Variants in LARP4B observed in about 807,000 individuals in gnomAD.
LARP4B encodes la-related protein 4B.
LARP4B carries 12 observed loss-of-function variants against 89.8 expected under a neutral mutation model. The observed-to-expected ratio is 0.13, with a 90% confidence interval of 0.09 to 0.22. LARP4B has a LOEUF of 0.22. Among genes scored for constraint, LARP4B ranks in the 10% least tolerant of loss-of-function variants. LARP4B has a pLI of 1.00. For missense variants in LARP4B, 757 were observed against 947.7 expected, an observed-to-expected ratio of 0.80 and a Z score of 2.64; for synonymous variants, 367 against 363.3, an observed-to-expected ratio of 1.01 and a Z score of -0.12.
At chr10:962,411 A>C in the LARP4B span, among the ~76,000 whole-genome samples, 1 of 151,996 alleles carries the variant, frequency 6.6e-6, no homozygotes, top group Non-Finnish European at 1.5e-5. Flanking sequence ...ATGCAGTCAC[A>C]TGGGGGGTTA....
At chr10:951,964 G>C in the LARP4B span, among the ~76,000 whole-genome samples, 2 of 149,892 alleles carry the variant, frequency 1.3e-5, no homozygotes, top group Non-Finnish European at 3.0e-5. Context: ...CAGCAGCCCA[G>C]AACCAACTGC....
chr10:912,579 T>A (rs1478330154), intron 1 of LARP4B, among the ~76,000 whole-genome samples: 1 of 152,000 alleles, frequency 6.6e-6, no homozygotes, highest in African/African-American at 2.4e-5. Flanking sequence ...CTCCAATATA[T>A]GACGTTCTAT....
intron 8 of LARP4B, among the ~76,000 whole-genome samples, chr10:831,946 A>C (rs1312784239): frequency 6.6e-6 from 1 of 152,254 alleles, no homozygotes; most frequent in Non-Finnish European, 1.5e-5. Context: ...GACTTAATAC[A>C]CATAACACAT....
intron 1 of LARP4B, among the ~76,000 whole-genome samples, chr10:928,242 A>C (rs1033781964): frequency 4.6e-5 from 7 of 152,056 alleles, no homozygotes; most frequent in Non-Finnish European, 1.0e-4. Flanking sequence ...AAAAAAAAAA[A>C]AACTTGTACC....
chr10:941,516 C>G, the LARP4B span, among the ~76,000 whole-genome samples: 3 of 151,798 alleles, frequency 2.0e-5, no homozygotes, highest in Non-Finnish European at 4.4e-5. Context: ...CGGGGGGTGT[C>G]TCACCATGTT....
chr10:876,764 A>G (rs1339739147), intron 3 of LARP4B, among the ~76,000 whole-genome samples: 1 of 151,868 alleles, frequency 6.6e-6, no homozygotes, highest in Non-Finnish European at 1.5e-5. Flanking sequence ...AGCAGGTTCA[A>G]CTCCAAATTT....
intron 7 of LARP4B, among the ~76,000 whole-genome samples, chr10:838,469 A>G (rs1266141696): frequency 6.6e-6 from 1 of 152,208 alleles, no homozygotes; most frequent in African/African-American, 2.4e-5. Flanking sequence ...CTGGACAGAC[A>G]CTTCACAAAA....
At chr10:873,831 C>T (rs1588950875) in intron 3 of LARP4B, among the ~76,000 whole-genome samples, 1 of 152,166 alleles carries the variant, frequency 6.6e-6, no homozygotes, top group Non-Finnish European at 1.5e-5. Flanking sequence ...TAAAGTGACA[C>T]ATTATCTACA....
At chr10:851,543 T>G (rs1834051670) in intron 5 of LARP4B, among the ~76,000 whole-genome samples, 2 of 152,220 alleles carry the variant, frequency 1.3e-5, no homozygotes, top group Admixed American at 1.3e-4. Context: ...CTGATTGGGA[T>G]TATAAAGAAG....
intron 3 of LARP4B, among the ~76,000 whole-genome samples, chr10:877,773 C>T (rs1835516466): frequency 6.6e-6 from 1 of 152,168 alleles, no homozygotes; most frequent in Non-Finnish European, 1.5e-5. Context: ...ACACTGGAGA[C>T]ATTTATGGAG....
intron 3 of LARP4B, among the ~76,000 whole-genome samples, chr10:869,615 G>A (rs146108355): frequency 2.9e-3 from 439 of 152,156 alleles, no homozygotes; most frequent in Middle Eastern, 0.014. Flanking sequence ...TGGCCAGCCC[G>A]GTGGCTCATG....
At position 919,023 on chromosome 10, in the gene LARP4B, G is replaced by A. The variant is rs367555254; in HGVS notation, c.-40+12405C>T. On this transcript the variant is annotated intron_variant, in intron 1 of 17. Transcript: ENST00000316157. The stretch of plus-strand genomic sequence containing the variant: ...GTGAACCCGAGAGGCGGAGTTTGCA[G>A]TGAGCGGAGATCAAGCCACTGCACT... 9.2e-5 allele frequency among the ~76,000 whole-genome samples: 14 copies of A among 151,756 alleles called. No homozygotes were observed. The South Asian group carries it at 2.9e-3, about 32-fold the overall frequency.
At chr10:931,719 C>G (rs1370573451), upstream of LARP4B, 4 of 151,468 alleles carry the variant, frequency 2.6e-5, no homozygotes, top group Non-Finnish European at 4.4e-5. Flanking sequence ...CTTCCGGGGC[C>G]CTGCGGAAGT....
chr10:827,956 T>TA (rs1832715445), intron 11 of LARP4B, among the ~76,000 whole-genome samples: 1 of 152,218 alleles, frequency 6.6e-6, no homozygotes, highest in African/African-American at 2.4e-5. Context: ...TTACCAAAGG[T>TA]TCTTACACTG....
At chr10:842,346 C>A (rs1833564076) in intron 7 of LARP4B, among the ~76,000 whole-genome samples, 1 of 152,166 alleles carries the variant, frequency 6.6e-6, no homozygotes, top group East Asian at 1.9e-4. Flanking sequence ...TACAAGCACA[C>A]ACCACCACGC....
chr10:863,035 C>G (rs1176615593), intron 5 of LARP4B, among the ~76,000 whole-genome samples: 1 of 152,294 alleles, frequency 6.6e-6, no homozygotes, highest in East Asian at 1.9e-4. Flanking sequence ...ATTTCCTCAT[C>G]AACAGGAAAG....
chr10:973,147 A>G, the LARP4B span, among the ~76,000 whole-genome samples: 1 of 152,094 alleles, frequency 6.6e-6, no homozygotes, highest in African/African-American at 2.4e-5. Context: ...GGGATGTGCT[A>G]TGAGAGTCCC....
At chr10:953,776 C>T in the LARP4B span, among the ~76,000 whole-genome samples, 39 of 152,318 alleles carry the variant, frequency 2.6e-4, 1 homozygote, top group Admixed American at 1.1e-3. Flanking sequence ...CATGAAGAGA[C>T]GCCGGTTGTA....
chr10:927,285 C>T (rs976010767), intron 1 of LARP4B, among the ~76,000 whole-genome samples: 1 of 150,966 alleles, frequency 6.6e-6, no homozygotes, highest in African/African-American at 2.4e-5. Context: ...TATGGGGTGG[C>T]GGGGGGGCAG....
Sources: allele counts gnomAD v4.1 joint callset (sites outside exome capture counted in the v4.1 genomes callset), GRCh38; gene constraint gnomAD v4.1.1; transcripts MANE v1.5; gene names NCBI Gene and HGNC (gene_info 2026-07-23, HGNC 2026-07-21).